The following NCOR1 variants were observed in gnomAD, a reference collection of about 807,000 sequenced individuals.
NCOR1 encodes protein phosphatase 1, regulatory subunit 109.
NCOR1 carries 63 observed loss-of-function variants against 288.1 expected under a neutral mutation model. That is an observed-to-expected ratio of 0.22 (90% CI 0.18 to 0.27). NCOR1 has a LOEUF of 0.27. Ranked by LOEUF, NCOR1 falls within the 10% of genes least tolerant of loss-of-function variation. The pLI, the probability that NCOR1 is intolerant of heterozygous loss-of-function variation, is 1.00. For synonymous variants in NCOR1, 1,007 were observed against 1,065.9 expected (o/e 0.94, Z 1.08); for missense variants, 2,397 against 3,019.2 (o/e 0.79, Z 4.83).
intron 18 of NCOR1, among the ~76,000 whole-genome samples, chr17:16,112,189 A>G (rs1302984393): frequency 6.6e-6 from 1 of 152,178 alleles, no homozygotes; most frequent in Non-Finnish European, 1.5e-5. Context: ...TTTTAAATAC[A>G]TATCTGACTC....
chr17:16,079,923 C>T (rs1220564932), intron 26 of NCOR1, 41 bp downstream of exon 26: 2 of 1,498,896 alleles, frequency 1.3e-6, no homozygotes, highest in East Asian at 2.3e-5. Flanking sequence ...TCATTTTTTC[C>T]TGAGCTTCTG....
intron 6 of NCOR1, among the ~76,000 whole-genome samples, chr17:16,154,727 T>G (rs1268081186): frequency 3.3e-5 from 5 of 152,150 alleles, no homozygotes; most frequent in African/African-American, 1.2e-4. Flanking sequence ...AGGTTCTATT[T>G]GGAGAATCAT....
intron 12 of NCOR1, among the ~76,000 whole-genome samples, chr17:16,138,642 C>T (rs2076765381): frequency 6.6e-6 from 1 of 152,164 alleles, no homozygotes; most frequent in African/African-American, 2.4e-5. Flanking sequence ...ATCTGAGGAA[C>T]AATTGTAGAA....
chr17:16,175,228 C>T (rs1302108717), intron 3 of NCOR1, among the ~76,000 whole-genome samples: 1 of 151,922 alleles, frequency 6.6e-6, no homozygotes, highest in African/African-American at 2.4e-5. Context: ...GTTAGGCGGG[C>T]GTGGTGGTGC....
intron 4 of NCOR1, among the ~76,000 whole-genome samples, chr17:16,169,766 A>G (rs796499359): frequency 6.6e-6 from 1 of 152,242 alleles, no homozygotes; most frequent in Admixed American, 6.5e-5. Flanking sequence ...GCTAAAAAAC[A>G]AAATTCTATA....
At chr17:16,075,856 T>C (rs536580591) in intron 26 of NCOR1, among the ~76,000 whole-genome samples, 154 bp from the exon 27 acceptor site, 2 of 152,318 alleles carry the variant, frequency 1.3e-5, no homozygotes, top group South Asian at 4.1e-4. Flanking sequence ...ACATTGAATT[T>C]TTATCAACAT....
chr17:16,087,620 A>G (rs2064453666), intron 22 of NCOR1, among the ~76,000 whole-genome samples: 1 of 152,254 alleles, frequency 6.6e-6, no homozygotes, highest in Non-Finnish European at 1.5e-5. Flanking sequence ...ATGCAATAAA[A>G]TCACAACAGG....
chr17:16,209,030 AC>A (rs1374739655), intron 1 of NCOR1, among the ~76,000 whole-genome samples: 1 of 152,152 alleles, frequency 6.6e-6, no homozygotes, highest in Non-Finnish European at 1.5e-5. Context: ...TGAGCTAGGC[AC>A]AGGGTGTTAT....
intron 42 of NCOR1, chr17:16,044,803 C>A: frequency 9.0e-7 from 1 of 1,114,534 alleles, no homozygotes; most frequent in Non-Finnish European, 1.4e-6. Context: ...GCCTCATCTA[C>A]AATGTAGGGG....
Position 16,061,908 on chromosome 17 carries a change from C to G in NCOR1, c.5388-14G>C, listed in dbSNP as rs2060581698. On this transcript the variant is annotated splice_polypyrimidine_tract_variant and intron_variant, in intron 36 of 45. Coordinates refer to ENST00000268712, the MANE Select transcript of NCOR1 (RefSeq NM_006311.4). ...GCAGGCAGTGGCCTGTAAATAAAACCAAATCACAGCTCTGTGAAGGGAAGA... is the reference window on the plus strand; with the variant it reads ...GCAGGCAGTGGCCTGTAAATAAAACGAAATCACAGCTCTGTGAAGGGAAGA... 1 of 1,592,212 alleles carries G rather than the reference C, an allele frequency of 6.3e-7. No individual in the cohort carries two copies. Among genetic ancestry groups the G allele is most frequent in the South Asian group, 1.1e-5 (1 of 88,242 alleles).
chr17:16,111,333 G>A (rs2070115186), intron 18 of NCOR1, among the ~76,000 whole-genome samples: 1 of 152,194 alleles, frequency 6.6e-6, no homozygotes, highest in African/African-American at 2.4e-5. Context: ...CAGACCCAGT[G>A]GCTCAGACCT....
At chr17:16,056,130 G>A (rs1324843255) in intron 40 of NCOR1, among the ~76,000 whole-genome samples, 1 of 151,422 alleles carries the variant, frequency 6.6e-6, no homozygotes, top group Non-Finnish European at 1.5e-5. Context: ...TCTGCTCTTT[G>A]CTCACTTTGA....
At chr17:16,196,018 AT>A (rs1296099861) in intron 1 of NCOR1, among the ~76,000 whole-genome samples, 1 of 151,374 alleles carries the variant, frequency 6.6e-6, no homozygotes, top group African/African-American at 2.4e-5. Flanking sequence ...TTATATACAC[AT>A]ATACACACGT....
At chr17:16,213,049 CCT>C (rs2092278981) in intron 1 of NCOR1, among the ~76,000 whole-genome samples, 4 of 124,998 alleles carry the variant, frequency 3.2e-5, no homozygotes, top group Admixed American at 8.2e-5. Flanking sequence ...CAAAAGAGAC[CCT>C]GTCTCCAAAA....
intron 1 of NCOR1, among the ~76,000 whole-genome samples, chr17:16,209,637 T>TAAAAAAAAAAAAAAAAACAAAAAAAAAAA (rs34131313): frequency 7.0e-6 from 1 of 142,410 alleles, no homozygotes; most frequent in African/African-American, 2.6e-5. Flanking sequence ...CTTTTGGATG[T>TAAAAAAAAAAAAAAAAACAAAAAAAAAAA]AAAAAAAAAA....
intron 15 of NCOR1, among the ~76,000 whole-genome samples, chr17:16,125,797 A>G (rs1032508151): frequency 6.6e-6 from 1 of 152,068 alleles, no homozygotes; most frequent in Non-Finnish European, 1.5e-5. Flanking sequence ...CAGAAGGTCA[A>G]CTATCACATG....
chr17:16,093,591 G>C (rs1330525184), intron 21 of NCOR1, among the ~76,000 whole-genome samples: 1 of 152,166 alleles, frequency 6.6e-6, no homozygotes, highest in Non-Finnish European at 1.5e-5. Context: ...GAAAGCCCTA[G>C]AGGTCTGACT....
At chr17:16,192,073 G>A (rs1311230147) in intron 2 of NCOR1, 1 of 150,922 alleles carries the variant, frequency 6.6e-6, no homozygotes, top group East Asian at 1.9e-4. Context: ...CACAACTCCT[G>A]TGCTGACCAG....
At chr17:16,112,846 GAAACTA>G (rs1274384362) in intron 18 of NCOR1, among the ~76,000 whole-genome samples, 1 of 151,966 alleles carries the variant, frequency 6.6e-6, no homozygotes, top group African/African-American at 2.4e-5. Flanking sequence ...TACTATATCA[GAAACTA>G]AAACTAAGAA....
Sources: gnomAD v4.1 joint callset for allele counts (sites outside exome capture counted in the v4.1 genomes callset) on GRCh38, gnomAD v4.1.1 for gene constraint, MANE v1.5 for transcripts, NCBI Gene and HGNC (gene_info 2026-07-23, HGNC 2026-07-21) for gene names.